Variants in TAPT1 observed in about 807,000 individuals in gnomAD.
TAPT1 encodes the protein transmembrane anterior posterior transformation 1.
In TAPT1, 28 loss-of-function variants were observed where a neutral mutation model predicts 65.6. The observed-to-expected ratio is 0.43, with a 90% CI of 0.32 to 0.59. The LOEUF is 0.59. Among genes scored for constraint, TAPT1 ranks in the 20% least tolerant of loss-of-function variants. The pLI is 0.09. For synonymous variants in TAPT1, 278 were observed against 245.2 expected, an observed-to-expected ratio of 1.13 and a Z score of -1.25; for missense variants, 563 against 679.9, an observed-to-expected ratio of 0.83 and a Z score of 1.91.
At chr4:16,218,756 T>C (rs368658336) in intron 1 of TAPT1, among the ~76,000 whole-genome samples, 1 of 152,246 alleles carries the variant, frequency 6.6e-6, no homozygotes, top group African/African-American at 2.4e-5. Context: ...CTACTTCATA[T>C]TAACTTCACA....
chr4:16,197,673 G>C (rs763632623), intron 3 of TAPT1, among the ~76,000 whole-genome samples: 1 of 152,158 alleles, frequency 6.6e-6, no homozygotes, highest in Non-Finnish European at 1.5e-5. Flanking sequence ...CCAAGGAATA[G>C]ACACTTCATA....
At chr4:16,178,091 C>T (rs1337815982) in intron 8 of TAPT1, among the ~76,000 whole-genome samples, 5 of 152,074 alleles carry the variant, frequency 3.3e-5, no homozygotes, top group African/African-American at 2.4e-5. Flanking sequence ...TGTACTCTAC[C>T]GGAACCAGTG....
intron 7 of TAPT1, among the ~76,000 whole-genome samples, chr4:16,181,363 C>A (rs1748696594): frequency 6.6e-6 from 1 of 152,102 alleles, no homozygotes; most frequent in Non-Finnish European, 1.5e-5. Context: ...AAATAAATGG[C>A]CTTGAGAAAT....
chr4:16,194,448 G>C (rs959874039), intron 3 of TAPT1, among the ~76,000 whole-genome samples: 1 of 152,142 alleles, frequency 6.6e-6, no homozygotes, highest in Non-Finnish European at 1.5e-5. Flanking sequence ...GCTCCAGAAG[G>C]CATGCTCTTC....
At chr4:16,214,027 G>A in intron 1 of TAPT1, 129 bp from the exon 2 acceptor site, 1 of 649,480 alleles carries the variant, frequency 1.5e-6, no homozygotes, top group Non-Finnish European at 2.4e-6. Context: ...ATAATTCTAT[G>A]CCTAGAACTG....
intron 3 of TAPT1, among the ~76,000 whole-genome samples, chr4:16,201,661 T>C (rs1332542344): frequency 1.3e-5 from 2 of 152,198 alleles, no homozygotes; most frequent in African/African-American, 2.4e-5. Context: ...CATGTAAGCT[T>C]AACATCTTCA....
At chr4:16,171,197 A>T (rs948450044) in intron 11 of TAPT1, among the ~76,000 whole-genome samples, 24 of 151,930 alleles carry the variant, frequency 1.6e-4, no homozygotes, top group African/African-American at 5.6e-4. Context: ...TTCTTCTTTG[A>T]CTCTTTTATG....
rs1300593758 is a variant in TAPT1 at position 16,204,217 on chromosome 4, A to G, written c.331-1637T>C. Among the ~76,000 whole-genome samples, 6 of 152,186 alleles carry G rather than the reference A, an allele frequency of 3.9e-5. No individual in the cohort carries two copies. The South Asian group carries it at 6.2e-4, about 16-fold the overall frequency. ...CCCAGGAGCGTTTGTGATCCACTAAAAAGTTGCAACTCAGTCTGAAAATCA... is the reference window on the plus strand; with the variant it reads ...CCCAGGAGCGTTTGTGATCCACTAAGAAGTTGCAACTCAGTCTGAAAATCA... On this transcript the variant is annotated intron_variant, in intron 2 of 13. Transcript: ENST00000405303.
intron 2 of TAPT1, among the ~76,000 whole-genome samples, chr4:16,209,083 G>T (rs911758198): frequency 9.2e-5 from 14 of 152,062 alleles, no homozygotes; most frequent in African/African-American, 3.4e-4. Flanking sequence ...AGGTTGGCCA[G>T]TCTATCTTTC....
Position 16,188,505 on chromosome 4 carries a change from T to A in TAPT1, c.613-150A>T, listed in dbSNP as rs1749156865. 3 of 586,970 alleles carry A rather than the reference T, an allele frequency of 5.1e-6. No individual in the cohort carries two copies. The Admixed American group carries it at 1.1e-4, about 21-fold the overall frequency. 36.4% of individuals were successfully genotyped at this position (586,970 alleles called of 1,614,324 possible). A position where few individuals can be genotyped will look rare whatever the true frequency, so the allele number is the denominator to read the frequency against. On this transcript the variant is annotated intron_variant, in intron 4 of 13. Coordinates refer to ENST00000405303, the MANE Select transcript of TAPT1 (RefSeq NM_153365.3). ...GGAGTGAGGATCTTTGTTTACTTAT[T>A]CACTCACATTTCTTTATTCTTTAAC...
chr4:16,225,606 G>A (rs1407563315), intron 1 of TAPT1, among the ~76,000 whole-genome samples: 1 of 152,054 alleles, frequency 6.6e-6, no homozygotes, highest in East Asian at 1.9e-4. Context: ...CTGTAACATT[G>A]TAACAATACG....
chr4:16,210,851 G>T (rs976902449), intron 2 of TAPT1, among the ~76,000 whole-genome samples: 13 of 152,294 alleles, frequency 8.5e-5, no homozygotes, highest in African/African-American at 2.2e-4. Context: ...TATGGTGGAA[G>T]AGAAGAAATG....
chr4:16,165,906 G>A (rs1334620268), intron 13 of TAPT1, among the ~76,000 whole-genome samples: 1 of 152,104 alleles, frequency 6.6e-6, no homozygotes, highest in African/African-American at 2.4e-5. Context: ...TTTCCACAAA[G>A]CTTGAGAATG....
At chr4:16,193,053 T>C (rs1371957226) in intron 3 of TAPT1, among the ~76,000 whole-genome samples, 1 of 152,256 alleles carries the variant, frequency 6.6e-6, no homozygotes, top group African/African-American at 2.4e-5. Flanking sequence ...TGAGCAGTTG[T>C]TACAGAAACT....
At chr4:16,194,936 T>C (rs1298940903) in intron 3 of TAPT1, among the ~76,000 whole-genome samples, 4 of 151,964 alleles carry the variant, frequency 2.6e-5, no homozygotes, top group African/African-American at 9.7e-5. Context: ...TTCACCATGT[T>C]GGCCAGGATG....
rs772389544 is a variant in TAPT1, at chr4:16,179,664, G to C, written c.917-7C>G. On this transcript the variant is annotated splice_polypyrimidine_tract_variant and splice_region_variant and intron_variant, in intron 7 of 13. Coordinates refer to ENST00000405303, the MANE Select transcript of TAPT1 (RefSeq NM_153365.3). ...GTGAATCGTTCCTTAATATCTAAAA[G>C]AAAAAAAATCAACATAAGTACTGTA... is the stretch of plus-strand genomic sequence containing the variant. 4.8e-5 allele frequency: 71 copies of C among 1,468,394 alleles called. No homozygotes were observed. Among genetic ancestry groups the C allele is most frequent in the Non-Finnish European group, 6.1e-5 (67 of 1,094,804 alleles). 91.0% of individuals were successfully genotyped at this position (1,468,394 alleles called of 1,614,324 possible).
intron 2 of TAPT1, among the ~76,000 whole-genome samples, chr4:16,205,959 A>G (rs570597241): frequency 6.6e-6 from 1 of 152,320 alleles, no homozygotes; most frequent in East Asian, 1.9e-4. Flanking sequence ...GTACATTTTG[A>G]TAAATCTCTG....
chr4:16,214,037 G>A, intron 1 of TAPT1, 139 bp from the exon 2 acceptor site: 1 of 587,156 alleles, frequency 1.7e-6, no homozygotes, highest in Non-Finnish European at 2.7e-6. Flanking sequence ...GCCTAGAACT[G>A]CACACAATGA....
At chr4:16,166,566 A>G (rs1297351253) in intron 13 of TAPT1, 67 bp downstream of exon 13, 5 of 1,578,904 alleles carry the variant, frequency 3.2e-6, no homozygotes, top group East Asian at 2.3e-5. Flanking sequence ...GTTGCTTAAC[A>G]TTGATCAAAC....
Sources: gnomAD v4.1 joint callset for allele counts (sites outside exome capture counted in the v4.1 genomes callset) on GRCh38, gnomAD v4.1.1 for gene constraint, MANE v1.5 for transcripts, NCBI Gene and HGNC (gene_info 2026-07-23, HGNC 2026-07-21) for gene names.